The following CTBS variants were observed in gnomAD, a reference collection of about 807,000 sequenced individuals.
CTBS encodes the protein chitobiase, also known as di-N-acetylchitobiase.
Under a neutral mutation model 44.3 loss-of-function variants are expected in CTBS, and 35 were observed. That is an observed-to-expected ratio of 0.79 (90% CI 0.60 to 1.05). The LOEUF (loss-of-function observed/expected upper bound fraction) is 1.05, where lower values mean the gene tolerates loss of function less well. Ranked by LOEUF, CTBS falls within the 50% of genes least tolerant of loss-of-function variation. CTBS has a pLI of 0.00. For synonymous variants in CTBS, 143 were observed against 168.0 expected, an observed-to-expected ratio of 0.85 and a Z score of 1.15; for missense variants, 458 against 475.3, an observed-to-expected ratio of 0.96 and a Z score of 0.34.
In CTBS at chr1:84,565,993, C is replaced by G. The variant is rs778139811; in HGVS notation, c.545G>C (p.Trp182Ser). ...EGSQVTFDVA[W>S]SPKNIDRRCY... ...TCTTCTGTCTATGTTCTTTGGAGACCAAGCTACATCAAAGGTTACCTGTGG... is the reference window on the plus strand; with the variant it reads ...TCTTCTGTCTATGTTCTTTGGAGACGAAGCTACATCAAAGGTTACCTGTGG... Residue 182 changes from tryptophan (W) to serine (S), a missense_variant, in exon 4 of 7, where the codon TGG becomes TCG. Coordinates refer to ENST00000370630, the MANE Select transcript of CTBS (RefSeq NM_004388.3). 6 of 1,551,574 alleles carry G rather than the reference C, an allele frequency of 3.9e-6. No homozygotes were observed. The highest frequency in any genetic ancestry group is 1.7e-4 in the Middle Eastern group (1 of 5,892).
chr1:84,566,113 G>T, intron 3 of CTBS, 101 bp from the exon 4 acceptor site: 2 of 575,118 alleles, frequency 3.5e-6, no homozygotes, highest in Non-Finnish European at 5.3e-6. Flanking sequence ...ACTACACAAG[G>T]AAAAGGAACT....
In CTBS at chr1:84,555,305, G is replaced by A. The variant is rs977363058; in HGVS notation, c.958-106C>T. On this transcript the variant is annotated intron_variant, in intron 6 of 6. Coordinates refer to ENST00000370630, the MANE Select transcript of CTBS (RefSeq NM_004388.3). ...ATACAGTACAGTAAGAGGGAAAAAAGTTTCCTAAATCCAATTATTCAAAAA... is the reference window on the plus strand; with the variant it reads ...ATACAGTACAGTAAGAGGGAAAAAAATTTCCTAAATCCAATTATTCAAAAA... 9 of 801,252 alleles carry A rather than the reference G, an allele frequency of 1.1e-5. No homozygotes were observed. In the African/African-American group the frequency reaches 1.4e-4, roughly 12 times the overall value. The allele number at this position is 801,252 out of a possible 1,614,324, so 49.6% of individuals were successfully genotyped here.
In CTBS at chr1:84,552,408, G is replaced by A. The variant is rs1414645846; in HGVS notation, c.*2591C>T. The A allele has an allele frequency of 6.6e-6, 1 of 152,082 alleles. No individual in the cohort carries two copies. Among genetic ancestry groups the A allele is most frequent in the Non-Finnish European group, 1.5e-5 (1 of 68,026 alleles). 9.4% of individuals were successfully genotyped at this position (152,082 alleles called of 1,614,324 possible). ...ACAGACAACACTTGGAATAGTAAGG[G>A]CTCTGGTACCAGGTGGTTTGAATTT... On this transcript the variant is annotated 3_prime_UTR_variant, in exon 7 of 7. Coordinates refer to ENST00000370630, the MANE Select transcript of CTBS (RefSeq NM_004388.3).
At chr1:84,570,472 C>T in intron 2 of CTBS, 110 bp downstream of exon 2, 1 of 873,452 alleles carries the variant, frequency 1.1e-6, no homozygotes, top group South Asian at 1.8e-5. Context: ...TTATAGGATC[C>T]TAACAAAAAC....
chr1:84,574,086 T>G, intron 1 of CTBS, 153 bp downstream of exon 1: 1 of 1,458,422 alleles, frequency 6.9e-7, no homozygotes, highest in Non-Finnish European at 9.1e-7. Context: ...CTTCCTCATC[T>G]ATAAATTGAA....
rs1001087615 is a variant in CTBS at position 84,551,906 on chromosome 1, C to G, written c.*3093G>C. The stretch of plus-strand genomic sequence containing the variant: ...ATGACTCCCCTCATGCTGTTTTCTT[C>G]TGGAAAGCATGCACATTACTTGTAA... On this transcript the variant is annotated 3_prime_UTR_variant, in exon 7 of 7. Coordinates refer to ENST00000370630, the MANE Select transcript of CTBS (RefSeq NM_004388.3). The G allele has an allele frequency of 3.9e-5, 6 of 152,088 alleles. No individual in the cohort carries two copies. The highest frequency in any genetic ancestry group is 7.4e-5 in the Non-Finnish European group (5 of 68,004). The allele number at this position is 152,088 out of a possible 1,614,324, so 9.4% of individuals were successfully genotyped here.
intron 6 of CTBS, among the ~76,000 whole-genome samples, chr1:84,559,991 G>GT (rs1283824265): frequency 6.7e-6 from 1 of 149,792 alleles, no homozygotes; most frequent in East Asian, 2.0e-4. Context: ...AAGCTGAGGA[G>GT]TAGAATTGCT....
rs776668169 is a variant in CTBS at position 84,555,130 on chromosome 1, T to C, written c.1027A>G (p.Ile343Val). 3.1e-6 allele frequency: 5 copies of C among 1,614,048 alleles called. No individual in the cohort carries two copies. Among genetic ancestry groups the C allele is most frequent in the Non-Finnish European group, 4.2e-6 (5 of 1,179,956 alleles). ...ATGCCCCGTAAGCGATAGTTTTGTA[T>C]ATATGTTGCCTTTAAAGAAATACTC... The part of the protein sequence containing the change: ...PQSISLKATY[I>V]QNYRLRGIGM... The change falls in exon 7 of 7, where the codon ATA (isoleucine) becomes GTA (valine). Residue 343 changes from isoleucine to valine, a missense_variant. Ile to Val is a conservative substitution (Grantham distance 29, BLOSUM62 3). Transcript: ENST00000370630.
intron 6 of CTBS, among the ~76,000 whole-genome samples, chr1:84,557,803 A>G (rs1684490515): frequency 6.6e-6 from 1 of 151,178 alleles, no homozygotes; most frequent in Non-Finnish European, 1.5e-5. Context: ...GCTTGCAGTG[A>G]GCCAAGATCG....
chr1:84,565,756 C>G, intron 4 of CTBS, 85 bp downstream of exon 4: 1 of 765,812 alleles, frequency 1.3e-6, no homozygotes, highest in Non-Finnish European at 1.8e-6. Flanking sequence ...ATACATATAA[C>G]TTAGAAATAC....
chr1:84,559,868 T>C (rs1162884813), intron 6 of CTBS, among the ~76,000 whole-genome samples: 1 of 151,898 alleles, frequency 6.6e-6, no homozygotes, highest in Admixed American at 6.6e-5. Context: ...GCGGATCACT[T>C]GAGGTCAGGA....
chr1:84,559,977 G>C (rs1053931309), intron 6 of CTBS, among the ~76,000 whole-genome samples: 15 of 151,454 alleles, frequency 9.9e-5, no homozygotes, highest in African/African-American at 3.6e-4. Context: ...CCCACCTATG[G>C]GGGAAGCTGA....
intron 1 of CTBS, among the ~76,000 whole-genome samples, chr1:84,573,386 G>A (rs1348761756): frequency 7.2e-5 from 11 of 152,164 alleles, no homozygotes; most frequent in Non-Finnish European, 5.9e-5. Context: ...ATCCTACTTT[G>A]TCTGAAGTCT....
chr1:84,558,492 C>T (rs1684520031), intron 6 of CTBS, among the ~76,000 whole-genome samples: 2 of 151,190 alleles, frequency 1.3e-5, no homozygotes, highest in Non-Finnish European at 3.0e-5. Context: ...GGGGTTTCAC[C>T]GTTTTAGCCG....
chr1:84,564,370 C>T (rs7547026), intron 4 of CTBS, among the ~76,000 whole-genome samples: 15,016 of 151,996 alleles, frequency 0.099, 1,379 homozygotes, highest in African/African-American at 0.24. Context: ...TTTTCTTGCC[C>T]AATGCTGCAA....
chr1:84,553,255 G>A lies in CTBS; in HGVS notation c.*1744C>T. 9.5e-6 allele frequency: 5 copies of A among 525,506 alleles called. No individual in the cohort carries two copies. The highest frequency in any genetic ancestry group is 3.2e-5 in the South Asian group (1 of 31,034). The allele number at this position is 525,506 out of a possible 1,614,324, so 32.6% of individuals were successfully genotyped here. On this transcript the variant is annotated 3_prime_UTR_variant, in exon 7 of 7. Coordinates refer to ENST00000370630, the MANE Select transcript of CTBS (RefSeq NM_004388.3). ...TTTCTCTTTCTCCACTTTCCATGTGGGTATTACAAAATGTTTCAGGAAATA... is the reference window on the plus strand; with the variant it reads ...TTTCTCTTTCTCCACTTTCCATGTGAGTATTACAAAATGTTTCAGGAAATA...
rs1684234316 is a variant in CTBS at position 84,550,392 on chromosome 1, TTA to T, written c.*4605_*4606del. 1 of 1,052,300 alleles carries T rather than the reference TTA, an allele frequency of 9.5e-7. No individual in the cohort carries two copies. The highest frequency in any genetic ancestry group is 1.3e-6 in the Non-Finnish European group (1 of 761,706). The allele number at this position is 1,052,300 out of a possible 1,614,324, so 65.2% of individuals were successfully genotyped here. A position where few individuals can be genotyped will look rare whatever the true frequency, so the allele number is the denominator to read the frequency against. Reference sequence around the variant, plus strand: ...ACAAGGCAGTTAAAAATAAAAATGTTTATATGTTATACTAAATAAATATCTAT... The same window carrying T: ...ACAAGGCAGTTAAAAATAAAAATGTTTATGTTATACTAAATAAATATCTAT... On this transcript the variant is annotated 3_prime_UTR_variant, in exon 7 of 7. Coordinates refer to ENST00000370630, the MANE Select transcript of CTBS (RefSeq NM_004388.3).
At chr1:84,562,884 G>C (rs1039012784) in intron 6 of CTBS, among the ~76,000 whole-genome samples, 1 of 152,038 alleles carries the variant, frequency 6.6e-6, no homozygotes, top group African/African-American at 2.4e-5. Flanking sequence ...GAATCTGTAG[G>C]CCACTTTGAA....
chr1:84,550,851 C>G lies in CTBS; in HGVS notation c.*4148G>C. On this transcript the variant is annotated 3_prime_UTR_variant, in exon 7 of 7. Transcript: ENST00000370630. The stretch of plus-strand genomic sequence containing the variant: ...TTTTCCTGTATTAGAATTATTAAGT[C>G]TGATAAACCACTGAGCTCTCCTCTG... 3 of 992,104 alleles carry G rather than the reference C, an allele frequency of 3.0e-6. No individual in the cohort carries two copies. Among genetic ancestry groups the G allele is most frequent in the Non-Finnish European group, 3.6e-6 (3 of 833,842 alleles). The allele number at this position is 992,104 out of a possible 1,614,324, so 61.5% of individuals were successfully genotyped here. A position where few individuals can be genotyped will look rare whatever the true frequency, so the allele number is the denominator to read the frequency against.
Sources: allele counts gnomAD v4.1 joint callset (sites outside exome capture counted in the v4.1 genomes callset), GRCh38; gene constraint gnomAD v4.1.1; transcripts MANE v1.5; gene names NCBI Gene and HGNC (gene_info 2026-07-23, HGNC 2026-07-21).